Variants in PPP1R9A observed in about 807,000 individuals in gnomAD.
PPP1R9A encodes the protein protein phosphatase 1 regulatory subunit 9A.
PPP1R9A carries 59 observed loss-of-function variants against 141.9 expected under a neutral mutation model. The observed-to-expected ratio is 0.42, with a 90% CI of 0.34 to 0.52. The LOEUF (loss-of-function observed/expected upper bound fraction) is 0.52. PPP1R9A is among the 20% of genes least tolerant of loss of function. The pLI, the probability that PPP1R9A is intolerant of heterozygous loss-of-function variation, is 0.10. For missense variants in PPP1R9A, 1,444 were observed against 1,611.9 expected, an observed-to-expected ratio of 0.90 and a Z score of 1.78; for synonymous variants, 500 against 569.7, an observed-to-expected ratio of 0.88 and a Z score of 1.74.
chr7:95,156,341 G>C (rs1829612088), intron 4 of PPP1R9A: 2 of 152,316 alleles, frequency 1.3e-5, no homozygotes, highest in Non-Finnish European at 1.5e-5. Context: ...ACCCCAAAGA[G>C]GGAGTCACAG....
chr7:94,911,402 ACAG>A lies in PPP1R9A; in HGVS notation c.1290_1292del (p.Ser431del). The stretch of plus-strand genomic sequence containing the variant: ...GATGAGGAGGAAGATAGTGATGAGA[ACAG>A]TTACTATCAGCCTGATATGGAGTAC... On this transcript the variant is annotated inframe_deletion, in exon 2 of 20. Coordinates refer to ENST00000433360, the MANE Select transcript of PPP1R9A (RefSeq NM_001166160.2). 1 of 1,613,518 alleles carries A rather than the reference ACAG, an allele frequency of 6.2e-7. No homozygotes were observed. The highest frequency in any genetic ancestry group is 8.5e-7 in the Non-Finnish European group (1 of 1,179,448).
intron 2 of PPP1R9A, among the ~76,000 whole-genome samples, chr7:95,096,345 AG>A (rs1377185372): frequency 1.3e-5 from 2 of 152,078 alleles, no homozygotes; most frequent in Admixed American, 1.3e-4. Flanking sequence ...TGGCCTTCTG[AG>A]ATTGATGCTG....
At chr7:94,909,242 A>T (rs1791175283) in intron 1 of PPP1R9A, among the ~76,000 whole-genome samples, 1 of 152,200 alleles carries the variant, frequency 6.6e-6, no homozygotes, top group African/African-American at 2.4e-5. Context: ...ATAATTAATA[A>T]TAACCACTGT....
chr7:95,142,691 C>G (rs1008941432), intron 4 of PPP1R9A, among the ~76,000 whole-genome samples: 1 of 151,724 alleles, frequency 6.6e-6, no homozygotes, highest in Non-Finnish European at 1.5e-5. Context: ...ATTATATGGA[C>G]AAGATTAATT....
intron 2 of PPP1R9A, among the ~76,000 whole-genome samples, chr7:95,108,309 T>TTTC (rs1819909250): frequency 1.9e-5 from 2 of 107,560 alleles, no homozygotes; most frequent in Non-Finnish European, 1.8e-5. Context: ...TTTCTTTTCT[T>TTTC]TTTTTTTTTT....
At chr7:95,102,066 T>C (rs1418219978) in intron 2 of PPP1R9A, among the ~76,000 whole-genome samples, 1 of 152,194 alleles carries the variant, frequency 6.6e-6, no homozygotes, top group Non-Finnish European at 1.5e-5. Context: ...TGCTGACCTA[T>C]ATTTAGTGGA....
chr7:95,284,546 T>A (rs951125752), intron 17 of PPP1R9A, among the ~76,000 whole-genome samples: 2 of 152,222 alleles, frequency 1.3e-5, no homozygotes, highest in African/African-American at 4.8e-5. Flanking sequence ...ATAGATCTGT[T>A]TACCCAGTAT....
chr7:95,196,972 A>G (rs1836379568), intron 5 of PPP1R9A, among the ~76,000 whole-genome samples: 1 of 152,182 alleles, frequency 6.6e-6, no homozygotes, highest in South Asian at 2.1e-4. Flanking sequence ...TTTCCAAAGG[A>G]AAATAACACA....
At chr7:95,005,178 GATTT>G (rs1803431698) in intron 2 of PPP1R9A, among the ~76,000 whole-genome samples, 1 of 151,956 alleles carries the variant, frequency 6.6e-6, no homozygotes, top group Admixed American at 6.6e-5. Context: ...TTGATAAAGT[GATTT>G]ATTTACTTTT....
intron 7 of PPP1R9A, among the ~76,000 whole-genome samples, chr7:95,208,730 A>AT (rs1429091409): frequency 2.0e-5 from 3 of 152,066 alleles, no homozygotes; most frequent in Admixed American, 2.0e-4. Context: ...TCTCAAAAAA[A>AT]AAATAAATAA....
chr7:94,914,856 T>C lies in PPP1R9A; in HGVS notation c.1395+3348T>C, dbSNP rs377099417. 4.6e-5 allele frequency among the ~76,000 whole-genome samples: 7 copies of C among 152,302 alleles called. No homozygotes were observed. In the South Asian group the frequency reaches 1.4e-3, roughly 32 times the overall value. On this transcript the variant is annotated intron_variant, in intron 2 of 19. Transcript: ENST00000433360. The stretch of plus-strand genomic sequence containing the variant: ...AGGAGCTGATGAAGTAAGGAGCTGC[T>C]GGTCGGTGGGACGTGTACAGCCCAT...
chr7:95,181,214 A>C (rs972549296), intron 5 of PPP1R9A, among the ~76,000 whole-genome samples: 2 of 145,640 alleles, frequency 1.4e-5, no homozygotes, highest in Admixed American at 1.4e-4. Flanking sequence ...TAGAATATAT[A>C]GAGAAAATAT....
chr7:95,274,505 A>T (rs1802802747), intron 16 of PPP1R9A, among the ~76,000 whole-genome samples: 1 of 152,190 alleles, frequency 6.6e-6, no homozygotes, highest in South Asian at 2.1e-4. Flanking sequence ...TTGCCTGGCT[A>T]CCCACAATGC....
intron 16 of PPP1R9A, among the ~76,000 whole-genome samples, chr7:95,275,988 C>A (rs926313647): frequency 5.3e-5 from 8 of 152,110 alleles, no homozygotes; most frequent in Admixed American, 3.3e-4. Context: ...AGTAGTTTAA[C>A]TTTGTGTGGT....
chr7:95,169,864 G>A (rs1318409766), intron 5 of PPP1R9A, among the ~76,000 whole-genome samples: 2 of 151,560 alleles, frequency 1.3e-5, no homozygotes, highest in Admixed American at 1.3e-4. Flanking sequence ...CAATTTCTGG[G>A]CATGCAAAGA....
chr7:95,279,361 G>A (rs1803737890), intron 16 of PPP1R9A, among the ~76,000 whole-genome samples: 1 of 152,148 alleles, frequency 6.6e-6, no homozygotes, highest in African/African-American at 2.4e-5. Flanking sequence ...TGATGGAGAT[G>A]AGCACATGTG....
chr7:95,082,595 C>G (rs1285056114), intron 2 of PPP1R9A, among the ~76,000 whole-genome samples: 1 of 151,664 alleles, frequency 6.6e-6, no homozygotes, highest in Non-Finnish European at 1.5e-5. Flanking sequence ...TTAAAATGAG[C>G]ATGGCATGGG....
At chr7:95,264,338 C>T (rs1334652993) in intron 12 of PPP1R9A, among the ~76,000 whole-genome samples, 2 of 152,108 alleles carry the variant, frequency 1.3e-5, no homozygotes, top group African/African-American at 4.8e-5. Flanking sequence ...CACGTAACTG[C>T]GGAGCAGACC....
chr7:95,081,117 A>G (rs1476349122), intron 2 of PPP1R9A, among the ~76,000 whole-genome samples: 1 of 152,182 alleles, frequency 6.6e-6, no homozygotes, highest in Non-Finnish European at 1.5e-5. Flanking sequence ...CAAGACCTGA[A>G]TGGATCAAAC....
Sources: gnomAD v4.1 joint callset for allele counts (sites outside exome capture counted in the v4.1 genomes callset) on GRCh38, gnomAD v4.1.1 for gene constraint, MANE v1.5 for transcripts, NCBI Gene and HGNC (gene_info 2026-07-23, HGNC 2026-07-21) for gene names.